RFT1: variants seen among roughly 807,000 people sequenced by gnomAD.
RFT1 encodes the protein man(5)GlcNAc(2)-PP-dolichol translocation protein RFT1.
RFT1 carries 43 observed loss-of-function variants against 62.2 expected under a neutral mutation model. That is an observed-to-expected ratio of 0.69 (90% CI 0.54 to 0.89). The LOEUF is 0.89. Ranked by LOEUF, RFT1 falls within the 40% of genes least tolerant of loss-of-function variation. The pLI is 0.00. For missense variants in RFT1, 605 were observed against 649.9 expected, an observed-to-expected ratio of 0.93 and a Z score of 0.75; for synonymous variants, 262 against 264.6, an observed-to-expected ratio of 0.99 and a Z score of 0.10.
the RFT1 span, among the ~76,000 whole-genome samples, chr3:53,073,636 G>C: frequency 6.6e-6 from 1 of 152,204 alleles, no homozygotes; most frequent in African/African-American, 2.4e-5. Flanking sequence ...ACTGTGAAGA[G>C]CCGCAGCTCT....
In RFT1 at chr3:53,103,975, C is replaced by A. The variant is rs1189812930; in HGVS notation, c.1080G>T (p.Gly360=). The part of the protein sequence containing the change: ...YSQLALDIYG[G]TMLSSGSGPV... Reference sequence around the variant, plus strand: ...TACCGGATCCTGAGCTAAGCATGGTCCCTCCGTAGATATCCAGAGCCAGCT... The same window carrying A: ...TACCGGATCCTGAGCTAAGCATGGTACCTCCGTAGATATCCAGAGCCAGCT... Residue 360 remains glycine (G), a synonymous_variant, in exon 10 of 13, where the codon GGG becomes GGT. Transcript: ENST00000296292. 1 of 1,614,178 alleles carries A rather than the reference C, an allele frequency of 6.2e-7. No individual in the cohort carries two copies. Among genetic ancestry groups the A allele is most frequent in the Admixed American group, 1.7e-5 (1 of 60,020 alleles).
chr3:53,092,632 A>G lies in RFT1; in HGVS notation c.1209-14T>C. On this transcript the variant is annotated splice_polypyrimidine_tract_variant and intron_variant, in intron 11 of 12. Transcript: ENST00000296292. ...ACAAAATTGTACCTGGGGAGGAGACAGGAAAAGGAGGGCAGTGGTGACCTT... is the reference window on the plus strand; with the variant it reads ...ACAAAATTGTACCTGGGGAGGAGACGGGAAAAGGAGGGCAGTGGTGACCTT... The G allele has an allele frequency of 6.2e-7, 1 of 1,608,306 alleles. No homozygotes were observed. The highest frequency in any genetic ancestry group is 8.5e-7 in the Non-Finnish European group (1 of 1,177,606).
intron 6 of RFT1, among the ~76,000 whole-genome samples, chr3:53,112,236 A>T (rs746641754): frequency 2.6e-5 from 4 of 152,250 alleles, no homozygotes; most frequent in Non-Finnish European, 4.4e-5. Flanking sequence ...CTTTCCTTAA[A>T]AACTGTCTAA....
Position 53,091,968 on chromosome 3 carries a change from T to C in RFT1, c.1561A>G (p.Thr521Ala), listed in dbSNP as rs1461185442. ...GTCCTGAGGAAATGGATCAGCTTGG[T>C]CTCTGTGAGGAATGCTGTCCCGAGA... is the stretch of plus-strand genomic sequence containing the variant. Reference protein sequence around the residue: ...ATLGTAFLTETKLIHFLRTQL... With the variant: ...ATLGTAFLTEAKLIHFLRTQL... Residue 521 changes from threonine to alanine, a missense_variant, in exon 13 of 13, where the codon ACC becomes GCC. Thr to Ala is a moderately conservative substitution (Grantham distance 58). Transcript: ENST00000296292. 1 of 1,614,230 alleles carries C rather than the reference T, an allele frequency of 6.2e-7. No homozygotes were observed. The highest frequency in any genetic ancestry group is 2.2e-5 in the East Asian group (1 of 44,876).
Position 53,090,235 on chromosome 3 carries a change from G to A in RFT1, c.*1668C>T, listed in dbSNP as rs952137908. 6.5e-6 allele frequency: 1 copy of A among 152,768 alleles called. No individual in the cohort carries two copies. Among genetic ancestry groups the A allele is most frequent in the Non-Finnish European group, 1.5e-5 (1 of 68,064 alleles). The allele number at this position is 152,768 out of a possible 1,614,324, so 9.5% of individuals were successfully genotyped here. ...CGGGATAGGTGCAGGGTTCCGGGAGGGTGATCAGCAGCTGCAGAGAAGCAG... is the reference window on the plus strand; with the variant it reads ...CGGGATAGGTGCAGGGTTCCGGGAGAGTGATCAGCAGCTGCAGAGAAGCAG... On this transcript the variant is annotated 3_prime_UTR_variant, in exon 13 of 13. Coordinates refer to ENST00000296292, the MANE Select transcript of RFT1 (RefSeq NM_052859.4).
chr3:53,071,085 G>A, the RFT1 span, among the ~76,000 whole-genome samples: 1 of 151,850 alleles, frequency 6.6e-6, no homozygotes, highest in African/African-American at 2.4e-5. Flanking sequence ...TAGAGGTGGG[G>A]TCTCACTAAG....
At position 53,091,885 on chromosome 3, in the gene RFT1, G is replaced by A. The variant is rs1700998676; in HGVS notation, c.*18C>T. On this transcript the variant is annotated 3_prime_UTR_variant, in exon 13 of 13. Coordinates refer to ENST00000296292, the MANE Select transcript of RFT1 (RefSeq NM_052859.4). ...CATAGCTGGTCCAGGTGCCTCGGGT[G>A]TCCAGGCTTCCCTGAAGTCATGTCA... 6.2e-7 allele frequency: 1 copy of A among 1,613,862 alleles called. No individual in the cohort carries two copies. The highest frequency in any genetic ancestry group is 8.5e-7 in the Non-Finnish European group (1 of 1,179,870).
intron 11 of RFT1, among the ~76,000 whole-genome samples, chr3:53,093,873 T>C (rs1701066078): frequency 2.0e-5 from 3 of 151,982 alleles, no homozygotes; most frequent in Admixed American, 2.0e-4. Flanking sequence ...ATTAAAAAAT[T>C]AGCCGTGATA....
chr3:53,078,599 G>A, the RFT1 span, among the ~76,000 whole-genome samples: 78 of 152,090 alleles, frequency 5.1e-4, 1 homozygote, highest in African/African-American at 1.8e-3. Flanking sequence ...AAAATTAGTC[G>A]GGTATGGTGG....
chr3:53,079,745 T>C, the RFT1 span, among the ~76,000 whole-genome samples: 3 of 152,232 alleles, frequency 2.0e-5, no homozygotes, highest in Non-Finnish European at 2.9e-5. Context: ...CCTCTGGGCA[T>C]CCTAAATTCA....
At chr3:53,085,255 G>A (rs377331523), downstream of RFT1, among the ~76,000 whole-genome samples, 92 of 152,252 alleles carry the variant, frequency 6.0e-4, no homozygotes, top group East Asian at 6.4e-3. Context: ...CGGTGAAGCC[G>A]GGAGAAGCAG....
downstream of RFT1, among the ~76,000 whole-genome samples, chr3:53,088,134 T>C (rs1419539229): frequency 6.6e-6 from 1 of 152,202 alleles, no homozygotes; most frequent in Non-Finnish European, 1.5e-5. Flanking sequence ...TAGTCCTGAC[T>C]TCTCAAGGAA....
At chr3:53,080,594 G>A in the RFT1 span, among the ~76,000 whole-genome samples, 2 of 152,134 alleles carry the variant, frequency 1.3e-5, no homozygotes, top group Non-Finnish European at 2.9e-5. Context: ...CGATTCCAGG[G>A]ACCACAGTCC....
At chr3:53,079,573 A>C in the RFT1 span, among the ~76,000 whole-genome samples, 1 of 152,182 alleles carries the variant, frequency 6.6e-6, no homozygotes, top group Non-Finnish European at 1.5e-5. Context: ...GTCTCTAGTA[A>C]AAATAGAAAA....
chr3:53,067,625 TG>T, the RFT1 span, among the ~76,000 whole-genome samples: 2 of 152,194 alleles, frequency 1.3e-5, no homozygotes, highest in Non-Finnish European at 2.9e-5. Flanking sequence ...TCATGATTGC[TG>T]TAGTGTACCG....
At position 53,121,702 on chromosome 3, in the gene RFT1, G is replaced by A. The variant is rs1183969513; in HGVS notation, c.555C>T (p.Ala185=). ...PHWGLYIFSL[A]QLFYTTVLVL... The stretch of plus-strand genomic sequence containing the variant: ...AGTTAAAAGCCATGATTCTTACCTG[G>A]GCCAAAGAGAAAATGTACAATCCCC... Residue 185 remains alanine, a synonymous_variant, in exon 5 of 13, where the codon GCC becomes GCT. Coordinates refer to ENST00000296292, the MANE Select transcript of RFT1 (RefSeq NM_052859.4). The A allele has an allele frequency of 6.2e-7, 1 of 1,611,574 alleles. No individual in the cohort carries two copies. Among genetic ancestry groups the A allele is most frequent in the African/African-American group, 1.3e-5 (1 of 74,824 alleles).
downstream of RFT1, among the ~76,000 whole-genome samples, chr3:53,086,602 C>T (rs1428396821): frequency 2.0e-5 from 3 of 152,194 alleles, no homozygotes; most frequent in South Asian, 4.1e-4. Context: ...AGGCGGGAGC[C>T]ACCGCGCCCG....
the RFT1 span, among the ~76,000 whole-genome samples, chr3:53,081,482 G>A: frequency 3.3e-5 from 5 of 152,142 alleles, no homozygotes; most frequent in African/African-American, 9.7e-5. Flanking sequence ...GCCTTGCTGC[G>A]GCTTGGGGTT....
chr3:53,128,219 G>A (rs1473586872), intron 1 of RFT1, among the ~76,000 whole-genome samples: 2 of 152,160 alleles, frequency 1.3e-5, no homozygotes, highest in Admixed American at 1.3e-4. Flanking sequence ...AATCTCTTGG[G>A]CCCGGGAGGC....
Sources: gnomAD v4.1 joint callset for allele counts (sites outside exome capture counted in the v4.1 genomes callset) on GRCh38, gnomAD v4.1.1 for gene constraint, MANE v1.5 for transcripts, NCBI Gene and HGNC (gene_info 2026-07-23, HGNC 2026-07-21) for gene names.